Variants in GBE1 observed in about 807,000 individuals in gnomAD.
GBE1 encodes the protein 1,4-alpha-glucan branching enzyme 1.
GBE1 carries 70 observed loss-of-function variants against 88.8 expected under a neutral mutation model. The ratio of observed to expected loss-of-function variants is 0.79; its 90% CI spans 0.65 to 0.96. The LOEUF (loss-of-function observed/expected upper bound fraction) is 0.96, where lower values mean the gene tolerates loss of function less well. Ranked by LOEUF, GBE1 falls within the 40% of genes least tolerant of loss-of-function variation. The pLI is 0.00. For synonymous variants in GBE1, 284 were observed against 300.1 expected (o/e 0.95, Z 0.56); for missense variants, 872 against 871.0 (o/e 1.00, Z -0.01).
At chr3:81,507,657 T>C (rs1702671979) in intron 14 of GBE1, among the ~76,000 whole-genome samples, 2 of 150,360 alleles carry the variant, frequency 1.3e-5, no homozygotes. Flanking sequence ...CTTTTTTCTT[T>C]ATACATATAT....
intron 7 of GBE1, among the ~76,000 whole-genome samples, chr3:81,604,973 C>CA (rs1311392987): frequency 6.6e-6 from 1 of 152,010 alleles, no homozygotes; most frequent in Non-Finnish European, 1.5e-5. Flanking sequence ...CATGGGCATT[C>CA]ATGCAAACAT....
chr3:81,519,698 A>T (rs1702847172), intron 14 of GBE1, among the ~76,000 whole-genome samples: 1 of 151,098 alleles, frequency 6.6e-6, no homozygotes, highest in Admixed American at 6.6e-5. Flanking sequence ...AGAATACAGA[A>T]AAAAAAATCA....
intron 11 of GBE1, among the ~76,000 whole-genome samples, chr3:81,580,486 T>C (rs1202822166): frequency 3.3e-5 from 5 of 151,938 alleles, no homozygotes; most frequent in Admixed American, 1.3e-4. Context: ...AAGCACAAGA[T>C]TGGAAAAAGC....
intron 3 of GBE1, among the ~76,000 whole-genome samples, chr3:81,650,909 C>G (rs1704840469): frequency 6.6e-6 from 1 of 152,136 alleles, no homozygotes; most frequent in South Asian, 2.1e-4. Flanking sequence ...CTCCTGGGCT[C>G]AAGTGATCCT....
At chr3:81,581,998 C>T (rs956759732) in intron 10 of GBE1, among the ~76,000 whole-genome samples, 1 of 152,014 alleles carries the variant, frequency 6.6e-6, no homozygotes, top group South Asian at 2.1e-4. Context: ...TAATCTACCA[C>T]TGTGAAACTC....
chr3:81,587,588 G>T (rs890325672), intron 9 of GBE1, among the ~76,000 whole-genome samples: 2 of 152,106 alleles, frequency 1.3e-5, no homozygotes, highest in Admixed American at 6.6e-5. Flanking sequence ...TTTACTATAT[G>T]ATTTACTATC....
At chr3:81,689,164 T>A (rs1354321801) in intron 2 of GBE1, among the ~76,000 whole-genome samples, 1 of 152,232 alleles carries the variant, frequency 6.6e-6, no homozygotes, top group Non-Finnish European at 1.5e-5. Context: ...GTTTATTAGA[T>A]CTGTAGGGTG....
At chr3:81,531,288 A>T (rs1284036179) in intron 14 of GBE1, among the ~76,000 whole-genome samples, 2 of 151,708 alleles carry the variant, frequency 1.3e-5, no homozygotes. Flanking sequence ...CTAAAACTGG[A>T]GGCTTTAGGA....
At chr3:81,682,950 T>C (rs1324335648) in intron 2 of GBE1, among the ~76,000 whole-genome samples, 1 of 152,202 alleles carries the variant, frequency 6.6e-6, no homozygotes, top group African/African-American at 2.4e-5. Flanking sequence ...CACTACAACA[T>C]GGAACCTTGT....
intron 15 of GBE1, among the ~76,000 whole-genome samples, chr3:81,492,475 G>T (rs1465370884): frequency 6.6e-6 from 1 of 151,030 alleles, no homozygotes; most frequent in Non-Finnish European, 1.5e-5. Flanking sequence ...AAGCAAAGAA[G>T]GAGAAAAAAA....
chr3:81,578,574 T>C (rs1370849338), intron 11 of GBE1, among the ~76,000 whole-genome samples: 1 of 151,556 alleles, frequency 6.6e-6, no homozygotes, highest in Non-Finnish European at 1.5e-5. Context: ...TATATCACAA[T>C]AGTTCCTTCC....
intron 4 of GBE1, 116 bp downstream of exon 4, chr3:81,649,680 T>C (rs1262313909): frequency 6.7e-6 from 5 of 748,776 alleles, no homozygotes; most frequent in Non-Finnish European, 1.1e-5. Context: ...TGATGTAAAA[T>C]ACGCAACTGT....
intron 1 of GBE1, among the ~76,000 whole-genome samples, chr3:81,735,712 T>C (rs1284825438): frequency 6.6e-6 from 1 of 152,126 alleles, no homozygotes; most frequent in African/African-American, 2.4e-5. Context: ...AGGAAAGCCT[T>C]GGAAGATTTA....
intron 14 of GBE1, among the ~76,000 whole-genome samples, chr3:81,513,063 T>C (rs1372178871): frequency 2.6e-5 from 4 of 151,706 alleles, no homozygotes; most frequent in South Asian, 2.1e-4. Flanking sequence ...TCATTAAACA[T>C]CACAAAATTG....
intron 1 of GBE1, among the ~76,000 whole-genome samples, chr3:81,750,206 A>G (rs1706477824): frequency 6.6e-6 from 1 of 152,138 alleles, no homozygotes; most frequent in Non-Finnish European, 1.5e-5. Context: ...AGAAAAGCTG[A>G]GACAAAATAA....
chr3:81,584,345 G>A (rs1178044499), intron 10 of GBE1, among the ~76,000 whole-genome samples: 1 of 152,032 alleles, frequency 6.6e-6, no homozygotes, highest in Non-Finnish European at 1.5e-5. Flanking sequence ...TATACATTCT[G>A]AGTACAGTTG....
At chr3:81,533,309 A>T (rs1286244290) in intron 14 of GBE1, among the ~76,000 whole-genome samples, 1 of 152,074 alleles carries the variant, frequency 6.6e-6, no homozygotes, top group Non-Finnish European at 1.5e-5. Context: ...CCAGAATAGT[A>T]CTGTACTTCT....
At position 81,490,171 on chromosome 3, in the gene GBE1, A is replaced by G. The variant is rs901240516; in HGVS notation, c.*236T>C. On this transcript the variant is annotated 3_prime_UTR_variant, in exon 16 of 16. Transcript: ENST00000429644. ...TATAACACTTCCATTTGAGAATCCTAGCTGCTAAGATGACTTGAAAATATG... is the reference window on the plus strand; with the variant it reads ...TATAACACTTCCATTTGAGAATCCTGGCTGCTAAGATGACTTGAAAATATG... 8.0e-6 allele frequency: 4 copies of G among 500,758 alleles called. No homozygotes were observed. The African/African-American group carries it at 8.0e-5, about 10-fold the overall frequency. 31.0% of individuals were successfully genotyped at this position (500,758 alleles called of 1,614,324 possible). A position where few individuals can be genotyped will look rare whatever the true frequency, so the allele number is the denominator to read the frequency against.
chr3:81,522,119 G>A (rs1702882211), intron 14 of GBE1, among the ~76,000 whole-genome samples: 1 of 151,382 alleles, frequency 6.6e-6, no homozygotes, highest in South Asian at 2.1e-4. Flanking sequence ...CATGAGAATC[G>A]ATTTAAGAAA....
Sources: gnomAD v4.1 joint callset for allele counts (sites outside exome capture counted in the v4.1 genomes callset) on GRCh38, gnomAD v4.1.1 for gene constraint, MANE v1.5 for transcripts, NCBI Gene and HGNC (gene_info 2026-07-23, HGNC 2026-07-21) for gene names.